SORT1: variants seen among roughly 807,000 people sequenced by gnomAD.
SORT1 encodes the protein sortilin.
Under a neutral mutation model 101.7 loss-of-function variants are expected in SORT1, and 39 were observed. The ratio of observed to expected loss-of-function variants is 0.38; its 90% CI spans 0.30 to 0.50. SORT1 has a LOEUF of 0.50. Ranked by LOEUF, SORT1 falls within the 20% of genes least tolerant of loss-of-function variation. The pLI is 0.90. For missense variants in SORT1, 878 were observed against 1,040.4 expected (o/e 0.84, Z 2.15); for synonymous variants, 396 against 393.7 (o/e 1.01, Z -0.07).
At chr1:109,339,812 T>A (rs1394503154) in intron 10 of SORT1, among the ~76,000 whole-genome samples, 2 of 152,140 alleles carry the variant, frequency 1.3e-5, no homozygotes, top group African/African-American at 4.8e-5. Context: ...TCAGTATTCA[T>A]AAGAGCTGAA....
chr1:109,315,784 ATCTCAC>A (rs1452486761), intron 17 of SORT1, among the ~76,000 whole-genome samples: 1 of 131,204 alleles, frequency 7.6e-6, no homozygotes, highest in Non-Finnish European at 1.6e-5. Context: ...TTGAGACAGG[ATCTCAC>A]TCTGTCACCC....
chr1:109,370,577 A>G (rs1651429540), intron 1 of SORT1, among the ~76,000 whole-genome samples: 1 of 152,154 alleles, frequency 6.6e-6, no homozygotes, highest in Admixed American at 6.5e-5. Flanking sequence ...TCTCTTTTCC[A>G]GGCCACATGC....
intron 11 of SORT1, among the ~76,000 whole-genome samples, chr1:109,334,127 CG>C (rs1648647513): frequency 2.0e-5 from 3 of 151,780 alleles, no homozygotes. Flanking sequence ...GCCTTGGTGA[CG>C]GGGCAAGACT....
intron 15 of SORT1, among the ~76,000 whole-genome samples, chr1:109,321,845 C>T (rs1414073558): frequency 6.6e-6 from 1 of 152,178 alleles, no homozygotes; most frequent in Admixed American, 6.5e-5. Flanking sequence ...CTCATTTAAG[C>T]TATCCAGGGA....
chr1:109,360,643 T>A (rs1392481831), intron 3 of SORT1, among the ~76,000 whole-genome samples: 1 of 152,064 alleles, frequency 6.6e-6, no homozygotes, highest in Non-Finnish European at 1.5e-5. Flanking sequence ...GGCCTAGATA[T>A]TAAAGCTTGA....
At chr1:109,336,207 T>C in intron 11 of SORT1, 33 bp downstream of exon 11, 1 of 1,297,044 alleles carries the variant, frequency 7.7e-7, no homozygotes, top group Non-Finnish European at 1.1e-6. Flanking sequence ...ATGGAAAGGC[T>C]GCTGTGCTCT....
chr1:109,353,913 CT>C (rs1370994570), intron 5 of SORT1, among the ~76,000 whole-genome samples: 5 of 151,962 alleles, frequency 3.3e-5, no homozygotes, highest in African/African-American at 1.2e-4. Context: ...GGATTTAAGA[CT>C]TTGGATATTT....
At chr1:109,317,762 T>C (rs1647326267) in intron 16 of SORT1, 91 bp downstream of exon 16, 1 of 878,464 alleles carries the variant, frequency 1.1e-6, no homozygotes, top group Non-Finnish European at 1.8e-6. Context: ...TGCTCTAAAG[T>C]AGGGCTTGGA....
Position 109,314,112 on chromosome 1 carries a change from G to A in SORT1, c.2482-55C>T, listed in dbSNP as rs949186891. On this transcript the variant is annotated intron_variant, in intron 19 of 19. Coordinates refer to ENST00000256637, the MANE Select transcript of SORT1 (RefSeq NM_002959.7). ...AGACCACAACACTCCTATTTCAAAA[G>A]CAATCACCTAGTTTCTGGGCTTGCC... 31 of 1,611,444 alleles carry A rather than the reference G, an allele frequency of 1.9e-5. No individual in the cohort carries two copies. The African/African-American group carries it at 3.6e-4, about 19-fold the overall frequency.
chr1:109,391,301 C>T (rs1652903748), intron 1 of SORT1, among the ~76,000 whole-genome samples: 2 of 152,066 alleles, frequency 1.3e-5, no homozygotes, highest in African/African-American at 2.4e-5. Context: ...ATGTGAAATC[C>T]ATGCTATGTT....
At chr1:109,343,932 G>A (rs1482418042) in intron 8 of SORT1, among the ~76,000 whole-genome samples, 1 of 152,162 alleles carries the variant, frequency 6.6e-6, no homozygotes, top group Admixed American at 6.5e-5. Flanking sequence ...ATTAAGGCGT[G>A]AGCCACCATG....
intron 1 of SORT1, among the ~76,000 whole-genome samples, chr1:109,396,558 T>C (rs571318565): frequency 1.3e-5 from 2 of 152,258 alleles, no homozygotes; most frequent in South Asian, 4.1e-4. Context: ...GAGAATTCTA[T>C]TACAGGTAAC....
intron 11 of SORT1, among the ~76,000 whole-genome samples, chr1:109,335,796 C>G (rs889493837): frequency 1.3e-5 from 2 of 152,200 alleles, no homozygotes; most frequent in African/African-American, 2.4e-5. Context: ...CAGGTCACCA[C>G]CCACTGGCCA....
chr1:109,352,057 G>C (rs1254442034), intron 5 of SORT1, among the ~76,000 whole-genome samples: 1 of 151,854 alleles, frequency 6.6e-6, no homozygotes, highest in Non-Finnish European at 1.5e-5. Context: ...TTCCTGGTTG[G>C]GGTATAGGAT....
At position 109,372,647 on chromosome 1, in the gene SORT1, G is replaced by T. The variant is rs190810388; in HGVS notation, c.307-3058C>A. On this transcript the variant is annotated intron_variant, in intron 1 of 19. Transcript: ENST00000256637. ...CAAAAACACAGAATGGGCCGGGCGC[G>T]GTGGCTCACACCTGTAACCCCAGTA... 2.2e-4 allele frequency among the ~76,000 whole-genome samples: 33 copies of T among 152,176 alleles called. 1 individual carries two copies. In the East Asian group the frequency reaches 5.4e-3, roughly 25 times the overall value.
intron 1 of SORT1, among the ~76,000 whole-genome samples, chr1:109,387,606 C>T (rs57444341): frequency 0.016 from 2,452 of 152,278 alleles, 70 homozygotes; most frequent in African/African-American, 0.056. Context: ...TATCTGATTA[C>T]TGTTTTCTGA....
Position 109,327,013 on chromosome 1 carries a change from C to A in SORT1, c.1622G>T (p.Ser541Ile), listed in dbSNP as rs773074476. The A allele has an allele frequency of 6.2e-7, 1 of 1,611,986 alleles. No homozygotes were observed. Among genetic ancestry groups the A allele is most frequent in the Non-Finnish European group, 8.5e-7 (1 of 1,179,740 alleles). ...GGIIVAIEHS[S>I]RPINVIKFST... ...ATACTTAATCACATTGATAGGACGG[C>A]TGCTGTGCTCAATGGCCACAATGAT... is the stretch of plus-strand genomic sequence containing the variant. The change falls in exon 13 of 20, where the codon AGC (serine) becomes ATC (isoleucine). Residue 541 changes from serine to isoleucine, a missense_variant. This residue lies in a region of SORT1 where 684 missense variants were observed against 894.5 expected (regional missense o/e 0.76). Coordinates refer to ENST00000256637, the MANE Select transcript of SORT1 (RefSeq NM_002959.7).
chr1:109,311,808 A>T lies in SORT1; in HGVS notation c.*2235T>A, dbSNP rs1658744710. ...AAAGAACAGCAAGTCATCTACAAGA[A>T]GGCAGCCTTGCTCAAAGTGGTTAGC... On this transcript the variant is annotated 3_prime_UTR_variant, in exon 20 of 20. Coordinates refer to ENST00000256637, the MANE Select transcript of SORT1 (RefSeq NM_002959.7). 1 of 152,438 alleles carries T rather than the reference A, an allele frequency of 6.6e-6. No individual in the cohort carries two copies. Among genetic ancestry groups the T allele is most frequent in the Non-Finnish European group, 1.5e-5 (1 of 68,050 alleles). 9.4% of individuals were successfully genotyped at this position (152,438 alleles called of 1,614,324 possible).
intron 1 of SORT1, 114 bp downstream of exon 1, chr1:109,397,473 C>T (rs1653262175): frequency 1.4e-6 from 1 of 711,100 alleles, no homozygotes; most frequent in Non-Finnish European, 1.8e-6. Flanking sequence ...GCCCGGGGGA[C>T]GCGGGCGCGG....
Sources: gnomAD v4.1 joint callset for allele counts (sites outside exome capture counted in the v4.1 genomes callset) on GRCh38, gnomAD v4.1.1 for gene constraint, gnomAD v4.1.1 regional missense constraint, MANE v1.5 for transcripts, NCBI Gene and HGNC (gene_info 2026-07-23, HGNC 2026-07-21) for gene names.